Variants in GYG2 observed in about 807,000 individuals in gnomAD.
GYG2 encodes glycogenin-2.
A neutral mutation model predicts 29.4 loss-of-function variants in GYG2; 29 were observed. The ratio of observed to expected loss-of-function variants is 0.99; its 90% CI spans 0.74 to 1.35. GYG2 has a LOEUF of 1.35. Among genes scored for constraint, GYG2 ranks in the 40% most tolerant of loss-of-function variants. The pLI, the probability that GYG2 is intolerant of heterozygous loss-of-function variation, is 0.00. For missense variants in GYG2, 370 were observed against 385.7 expected (o/e 0.96, Z 0.34); for synonymous variants, 167 against 172.3 (o/e 0.97, Z 0.24).
intron 10 of GYG2, among the ~76,000 whole-genome samples, chrX:2,880,523 T>C (rs1346278651): frequency 9.0e-6 from 1 of 110,692 alleles, no homozygotes; most frequent in African/African-American, 3.3e-5. Flanking sequence ...AGAGAACATA[T>C]ACAATTACAT....
intron 8 of GYG2, among the ~76,000 whole-genome samples, chrX:2,868,411 C>T (rs767433724): frequency 5.6e-4 from 54 of 95,812 alleles, no homozygotes; most frequent in African/African-American, 1.6e-3. Context: ...GAGCTGAGAT[C>T]GTGCCAGTGC....
intron 8 of GYG2, among the ~76,000 whole-genome samples, chrX:2,865,404 G>C (rs2088273199): frequency 8.9e-6 from 1 of 111,759 alleles, no homozygotes; most frequent in Non-Finnish European, 1.9e-5. Flanking sequence ...AATCTCGATG[G>C]AATTGTTGCC....
At chrX:2,876,096 T>G (rs1230097123) in intron 9 of GYG2, among the ~76,000 whole-genome samples, 182 bp downstream of exon 9, 1 of 101,343 alleles carries the variant, frequency 9.9e-6, no homozygotes, top group African/African-American at 3.7e-5. Flanking sequence ...AGTTGTGTTA[T>G]AATTAGTCTA....
At chrX:2,832,408 C>T (rs976156401) in intron 2 of GYG2, among the ~76,000 whole-genome samples, 1 of 47,068 alleles carries the variant, frequency 2.1e-5, no homozygotes, top group Non-Finnish European at 6.9e-5. Flanking sequence ...ACTCTAAATG[C>T]AGCCCTGTCT....
At chrX:2,873,060 T>C (rs1232150512) in intron 8 of GYG2, among the ~76,000 whole-genome samples, 1 of 112,034 alleles carries the variant, frequency 8.9e-6, no homozygotes, top group Non-Finnish European at 1.9e-5. Flanking sequence ...TTGGGCAGTA[T>C]CTCTGTCTGC....
At chrX:2,873,023 GCT>G (rs1174943637) in intron 8 of GYG2, among the ~76,000 whole-genome samples, 1 of 111,996 alleles carries the variant, frequency 8.9e-6, no homozygotes, top group Non-Finnish European at 1.9e-5. Context: ...CCCAAATCCC[GCT>G]CTCTCACTTG....
chrX:2,857,757 C>G (rs1481540977), intron 6 of GYG2, among the ~76,000 whole-genome samples: 1 of 111,333 alleles, frequency 9.0e-6, no homozygotes, highest in African/African-American at 3.3e-5. Context: ...AGCCAAGGCT[C>G]TACGACAATG....
chrX:2,846,055 A>ATATATATATATTT (rs2087723665), intron 3 of GYG2, among the ~76,000 whole-genome samples: 1 of 38,679 alleles, frequency 2.6e-5, no homozygotes, highest in Non-Finnish European at 4.4e-5. Context: ...ATATATATAT[A>ATATATATATATTT]TTTTTTTTTT....
chrX:2,873,563 G>C (rs12008127), intron 8 of GYG2, among the ~76,000 whole-genome samples: 18,379 of 109,706 alleles, frequency 0.17, 1,211 homozygotes, highest in South Asian at 0.36. Context: ...TCCTCCTGCT[G>C]CTGTTCTTGG....
intron 2 of GYG2, among the ~76,000 whole-genome samples, chrX:2,838,075 A>G (rs1603458633): frequency 1.8e-5 from 2 of 111,644 alleles, no homozygotes; most frequent in South Asian, 7.5e-4. Context: ...CATTCTCAGT[A>G]TGAAACACAT....
At position 2,854,060 on chromosome X, in the gene GYG2, T is replaced by G; in HGVS notation, c.230T>G (p.Leu77Arg). The G allele has an allele frequency of 8.3e-7, 1 of 1,199,151 alleles. No individual in the cohort carries two copies. Among genetic ancestry groups the G allele is most frequent in the South Asian group, 1.8e-5 (1 of 56,572 alleles). ...GCCGACTACATCCACCTGGCCTTTC[T>G]GAAGAGACCTGAGCTCGGGCTCACC... ...DSADYIHLAF[L>R]KRPELGLTLT... Residue 77 changes from leucine to arginine, a missense_variant, in exon 4 of 11, where the codon CTG becomes CGG. Transcript: ENST00000398806.
At chrX:2,841,514 A>C (rs1368929216) in intron 2 of GYG2, among the ~76,000 whole-genome samples, 2 of 111,445 alleles carry the variant, frequency 1.8e-5, no homozygotes, top group Admixed American at 1.9e-4. Flanking sequence ...TTAAGTTGTA[A>C]AGTTTGCTGT....
At chrX:2,841,032 G>A (rs1317114278) in intron 2 of GYG2, among the ~76,000 whole-genome samples, 5 of 110,175 alleles carry the variant, frequency 4.5e-5, no homozygotes, top group African/African-American at 1.7e-4. Flanking sequence ...AGGATGGATA[G>A]ATAGATGATA....
intron 8 of GYG2, among the ~76,000 whole-genome samples, chrX:2,869,815 G>T (rs2088414076): frequency 8.9e-6 from 1 of 111,788 alleles, no homozygotes; most frequent in African/African-American, 3.3e-5. Flanking sequence ...CTGATATTTT[G>T]TATTTTTTGT....
chrX:2,851,968 T>C (rs894975476), intron 3 of GYG2, among the ~76,000 whole-genome samples: 4 of 112,218 alleles, frequency 3.6e-5, no homozygotes, highest in Admixed American at 1.9e-4. Context: ...TCAATAGTTA[T>C]ATTAGGTCAG....
Position 2,880,017 on chromosome X carries a change from T to TGATA in GYG2, c.1252-1020_1252-1017dup, listed in dbSNP as rs745988365. 1.2e-3 allele frequency among the ~76,000 whole-genome samples: 139 copies of TGATA among 112,025 alleles called. No homozygotes were observed. In the Middle Eastern group the frequency reaches 0.019, roughly 15 times the overall value. The stretch of plus-strand genomic sequence containing the variant: ...GTAGATGAGATAGATGATAAATAGA[T>TGATA]GATAGATAGATAGATAGAAAGATGT... On this transcript the variant is annotated intron_variant, in intron 10 of 10. Transcript: ENST00000398806.
intron 6 of GYG2, among the ~76,000 whole-genome samples, chrX:2,858,508 G>T (rs2088078520): frequency 9.0e-6 from 1 of 110,943 alleles, no homozygotes; most frequent in African/African-American, 3.3e-5. Context: ...AAAGCTCTTT[G>T]GGTTCCTAAA....
intron 3 of GYG2, among the ~76,000 whole-genome samples, chrX:2,846,056 T>TATATATATATATATATATATATA (rs1491432509): frequency 1.0e-4 from 1 of 9,742 alleles, no homozygotes; most frequent in Non-Finnish European, 1.8e-4. Context: ...TATATATATA[T>TATATATATATATATATATATATA]TTTTTTTTTT....
At chrX:2,837,671 C>G (rs2087403603) in intron 2 of GYG2, among the ~76,000 whole-genome samples, 1 of 111,242 alleles carries the variant, frequency 9.0e-6, no homozygotes. Flanking sequence ...TTTCAATAAT[C>G]TATACATTGG....
Sources: allele counts gnomAD v4.1 joint callset (sites outside exome capture counted in the v4.1 genomes callset), GRCh38; gene constraint gnomAD v4.1.1; transcripts MANE v1.5; gene names NCBI Gene and HGNC (gene_info 2026-07-23, HGNC 2026-07-21).